The following CADPS2 variants were observed in gnomAD, a reference collection of about 807,000 sequenced individuals.
The protein encoded by CADPS2 is calcium dependent secretion activator 2.
CADPS2 carries 93 observed loss-of-function variants against 172.5 expected under a neutral mutation model. The ratio of observed to expected loss-of-function variants is 0.54; its 90% CI spans 0.46 to 0.64. CADPS2 has a LOEUF of 0.64. CADPS2 is among the 30% of genes least tolerant of loss of function. CADPS2 has a pLI of 0.00. For synonymous variants in CADPS2, 546 were observed against 555.2 expected, an observed-to-expected ratio of 0.98 and a Z score of 0.23; for missense variants, 1,420 against 1,565.9, an observed-to-expected ratio of 0.91 and a Z score of 1.57.
chr7:122,734,389 A>AAAAAAAAAAAAAAAAAAAAAAT (rs2091980642), intron 2 of CADPS2, among the ~76,000 whole-genome samples: 1 of 47,802 alleles, frequency 2.1e-5, no homozygotes, highest in African/African-American at 5.8e-5. Flanking sequence ...AAAAAAAAGA[A>AAAAAAAAAAAAAAAAAAAAAAT]AAAAAAAAAA....
chr7:122,678,662 T>C (rs1010001391), intron 2 of CADPS2, among the ~76,000 whole-genome samples: 1 of 152,042 alleles, frequency 6.6e-6, no homozygotes, highest in Admixed American at 6.6e-5. Flanking sequence ...TGGTCAAAAA[T>C]GCAAAAATGT....
chr7:122,390,527 TA>T (rs2044241417), intron 22 of CADPS2, among the ~76,000 whole-genome samples: 1 of 152,020 alleles, frequency 6.6e-6, no homozygotes, highest in Admixed American at 6.6e-5. Context: ...AAAAACATCA[TA>T]AAAACAAAAT....
At chr7:122,580,429 G>A (rs549153391) in intron 7 of CADPS2, among the ~76,000 whole-genome samples, 2 of 146,714 alleles carry the variant, frequency 1.4e-5, no homozygotes, top group African/African-American at 5.1e-5. Flanking sequence ...CTCCAGCCTG[G>A]GCAACAGAGC....
At chr7:122,623,732 T>A (rs1429356280) in intron 4 of CADPS2, among the ~76,000 whole-genome samples, 1 of 152,196 alleles carries the variant, frequency 6.6e-6, no homozygotes, top group Non-Finnish European at 1.5e-5. Context: ...TAATTATGCG[T>A]TGAATAAAAT....
intron 2 of CADPS2, among the ~76,000 whole-genome samples, chr7:122,670,053 G>T (rs549409374): frequency 5.0e-4 from 76 of 151,720 alleles, no homozygotes; most frequent in African/African-American, 1.6e-3. Context: ...CTCCCATGAC[G>T]GTTCTCCCTC....
chr7:122,325,569 T>G lies in CADPS2; in HGVS notation c.3625A>C (p.Ser1209Arg), dbSNP rs746755979. 16 of 1,606,854 alleles carry G rather than the reference T, an allele frequency of 1.0e-5. No homozygotes were observed. In the Admixed American group the frequency reaches 2.7e-4, roughly 27 times the overall value. The change falls in exon 29 of 30, where the codon AGT becomes CGT. Residue 1209 changes from serine to arginine, a missense_variant. Coordinates refer to ENST00000449022, the MANE Select transcript of CADPS2 (RefSeq NM_017954.11). ...IEKLFDQWYSSSMKVICVWLT... is the reference protein window; with the variant it reads ...IEKLFDQWYSRSMKVICVWLT... The stretch of plus-strand genomic sequence containing the variant: ...CACACGCAAATGACTTTCATGGAAC[T>G]GCTGTACCATTGCTAGAAGGGAGAA...
chr7:122,826,139 TCACC>T (rs1709684619), intron 1 of CADPS2, among the ~76,000 whole-genome samples: 1 of 152,102 alleles, frequency 6.6e-6, no homozygotes, highest in Admixed American at 6.6e-5. Context: ...ACTTTCATCA[TCACC>T]CAGTGGGAAT....
chr7:122,716,782 G>A (rs776203943), intron 2 of CADPS2, among the ~76,000 whole-genome samples: 16 of 152,058 alleles, frequency 1.1e-4, no homozygotes, highest in South Asian at 4.1e-4. Context: ...GGTAGAGTGC[G>A]ACCAAGGGGC....
chr7:122,510,494 A>C (rs1365913132), intron 9 of CADPS2, among the ~76,000 whole-genome samples: 1 of 152,168 alleles, frequency 6.6e-6, no homozygotes, highest in Non-Finnish European at 1.5e-5. Flanking sequence ...ACTTTGAACA[A>C]TGACTTTGCA....
intron 22 of CADPS2, among the ~76,000 whole-genome samples, chr7:122,392,386 A>G (rs1200181712): frequency 6.7e-6 from 1 of 150,268 alleles, no homozygotes; most frequent in Non-Finnish European, 1.5e-5. Flanking sequence ...ATGCCTCAAT[A>G]CAGTTTTTTT....
At chr7:122,575,989 G>A (rs1297816396) in intron 7 of CADPS2, among the ~76,000 whole-genome samples, 1 of 152,080 alleles carries the variant, frequency 6.6e-6, no homozygotes, top group Admixed American at 6.6e-5. Flanking sequence ...ACTATTAACT[G>A]AATTCCAGAT....
intron 2 of CADPS2, among the ~76,000 whole-genome samples, chr7:122,724,799 T>C (rs571136507): frequency 2.6e-5 from 4 of 152,182 alleles, no homozygotes; most frequent in East Asian, 1.9e-4. Flanking sequence ...ACAAGTCCTG[T>C]AAGTCAGCGA....
In CADPS2 at chr7:122,621,531, T is replaced by C. The variant is rs200861055; in HGVS notation, c.1054A>G (p.Asn352Asp). The change falls in exon 5 of 30, where the codon AAT becomes GAT. Residue 352 changes from asparagine (N) to aspartate (D), a missense_variant. Asn to Asp is a conservative substitution (Grantham distance 23, BLOSUM62 1). Coordinates refer to ENST00000449022, the MANE Select transcript of CADPS2 (RefSeq NM_017954.11). Reference sequence around the variant, plus strand: ...TCGGACTTTGACAGCTGAATCTCATTCTCATCTCCTATGTCCAAAAATGCA... The same window carrying C: ...TCGGACTTTGACAGCTGAATCTCATCCTCATCTCCTATGTCCAAAAATGCA... Reference protein sequence around the residue: ...NSAFLDIGDENEIQLSKSDVV... With the variant: ...NSAFLDIGDEDEIQLSKSDVV... 1.9e-6 allele frequency: 3 copies of C among 1,613,808 alleles called. No individual in the cohort carries two copies. The highest frequency in any genetic ancestry group is 1.7e-6 in the Non-Finnish European group (2 of 1,179,774).
intron 1 of CADPS2, among the ~76,000 whole-genome samples, chr7:122,742,523 A>G (rs1041777093): frequency 1.3e-5 from 2 of 152,224 alleles, no homozygotes; most frequent in African/African-American, 4.8e-5. Context: ...TGTACTAGAT[A>G]GACTGATCAC....
intron 2 of CADPS2, among the ~76,000 whole-genome samples, chr7:122,715,970 G>GA (rs1486313437): frequency 2.0e-5 from 3 of 151,938 alleles, no homozygotes; most frequent in African/African-American, 7.3e-5. Flanking sequence ...TGGGGGAGGG[G>GA]AAAAAACCTG....
intron 1 of CADPS2, among the ~76,000 whole-genome samples, chr7:122,806,789 T>A (rs1181364867): frequency 6.6e-6 from 1 of 152,224 alleles, no homozygotes; most frequent in African/African-American, 2.4e-5. Flanking sequence ...TAGCTTATTA[T>A]CTAAGGACAG....
At chr7:122,474,358 G>A (rs1334499190) in intron 13 of CADPS2, 23 bp downstream of exon 13, 3 of 1,609,122 alleles carry the variant, frequency 1.9e-6, no homozygotes, top group African/African-American at 1.3e-5. Flanking sequence ...AACTTATAGG[G>A]GACTAGATAG....
chr7:122,525,749 G>T (rs914924451), intron 8 of CADPS2, among the ~76,000 whole-genome samples: 6 of 152,092 alleles, frequency 3.9e-5, no homozygotes, highest in Non-Finnish European at 8.8e-5. Flanking sequence ...AAATTAACTG[G>T]ACCATACGGT....
At chr7:122,532,164 A>G (rs548950286) in intron 8 of CADPS2, among the ~76,000 whole-genome samples, 1 of 152,318 alleles carries the variant, frequency 6.6e-6, no homozygotes, top group Admixed American at 6.5e-5. Context: ...TGATTTTTCT[A>G]CATAATACAA....
Sources: gnomAD v4.1 joint callset for allele counts (sites outside exome capture counted in the v4.1 genomes callset) on GRCh38, gnomAD v4.1.1 for gene constraint, MANE v1.5 for transcripts, NCBI Gene and HGNC (gene_info 2026-07-23, HGNC 2026-07-21) for gene names.